NAV3: variants seen among roughly 807,000 people sequenced by gnomAD.
NAV3 encodes the protein pore membrane and/or filament interacting like protein 1.
NAV3 carries 87 observed loss-of-function variants against 244.7 expected under a neutral mutation model. The observed-to-expected ratio is 0.36, with a 90% CI of 0.30 to 0.42. The LOEUF is 0.42. NAV3 is among the 20% of genes least tolerant of loss of function. NAV3 has a pLI of 1.00. For missense variants in NAV3, 2,663 were observed against 2,893.3 expected (o/e 0.92, Z 1.83); for synonymous variants, 1,126 against 1,042.2 (o/e 1.08, Z -1.55).
chr12:78,071,987 G>C (rs1447006417), intron 12 of NAV3, among the ~76,000 whole-genome samples: 10 of 152,028 alleles, frequency 6.6e-5, no homozygotes, highest in Non-Finnish European at 1.5e-4. Flanking sequence ...TTGAAACCAA[G>C]GAGAACAAAG....
intron 22 of NAV3, among the ~76,000 whole-genome samples, chr12:78,152,834 T>C (rs1185322611): frequency 6.6e-6 from 1 of 151,988 alleles, no homozygotes; most frequent in East Asian, 1.9e-4. Context: ...GTTTACTAGT[T>C]TGTTCACAGT....
chr12:77,597,298 C>T (rs566197439), intron 2 of NAV3, among the ~76,000 whole-genome samples: 3 of 152,154 alleles, frequency 2.0e-5, no homozygotes, highest in Admixed American at 2.0e-4. Context: ...ATTGCAGTGG[C>T]CTCTAATCAG....
Position 77,767,626 on chromosome 12 carries a change from C to A in NAV3, c.73-172693C>A, listed in dbSNP as rs181764302. On this transcript the variant is annotated intron_variant, in intron 2 of 8. Coordinates refer to the NAV3 transcript ENST00000550042. ...CAGGTGCCAGCACAGACACCGGCTC[C>A]ATGTAAGCCTGCAGCTAAATCACAT... Among the ~76,000 whole-genome samples, 6 of 152,308 alleles carry A rather than the reference C, an allele frequency of 3.9e-5. No homozygotes were observed. The East Asian group carries it at 1.2e-3, about 29-fold the overall frequency.
intron 22 of NAV3, among the ~76,000 whole-genome samples, chr12:78,152,624 G>C (rs1019029991): frequency 8.6e-5 from 13 of 151,936 alleles, no homozygotes; most frequent in African/African-American, 3.1e-4. Flanking sequence ...AAGAAGTGCT[G>C]TGTTTAAATT....
At chr12:77,964,364 G>A (rs1193265181) in intron 3 of NAV3, among the ~76,000 whole-genome samples, 1 of 151,984 alleles carries the variant, frequency 6.6e-6, no homozygotes, top group African/African-American at 2.4e-5. Flanking sequence ...TCTATAAAAG[G>A]CATATAATTG....
chr12:77,984,695 A>G (rs772242095), intron 5 of NAV3, among the ~76,000 whole-genome samples: 28 of 152,182 alleles, frequency 1.8e-4, no homozygotes, highest in Non-Finnish European at 3.7e-4. Flanking sequence ...TACTACTGGC[A>G]TTTCAACATA....
chr12:78,137,350 G>T lies in NAV3; in HGVS notation c.4615G>T (p.Asp1539Tyr). 6.2e-7 allele frequency: 1 copy of T among 1,611,442 alleles called. No individual in the cohort carries two copies. Residue 1539 changes from aspartate (D) to tyrosine (Y), a missense_variant, in exon 19 of 40, where the codon GAC (aspartate) becomes TAC (tyrosine). Around this residue, in one of 6 missense-constraint regions of NAV3, gnomAD observed 354 missense variants for 413.0 expected, o/e 0.86. Coordinates refer to ENST00000397909, the MANE Select transcript of NAV3 (RefSeq NM_001024383.2). ...RAISHSGSFR[D>Y]SMEEVHGSSL... Reference sequence around the variant, plus strand: ...CATCAGTCATTCGGGCTCATTCAGAGACAGCATGGAAGAAGGTAAGCGTTG... The same window carrying T: ...CATCAGTCATTCGGGCTCATTCAGATACAGCATGGAAGAAGGTAAGCGTTG...
At chr12:77,812,675 C>T (rs920576621) in intron 2 of NAV3, among the ~76,000 whole-genome samples, 11 of 152,090 alleles carry the variant, frequency 7.2e-5, no homozygotes, top group South Asian at 2.1e-4. Flanking sequence ...AGGGCGCTCC[C>T]GCCTGGCCTC....
chr12:77,812,402 T>C (rs1872328844), intron 2 of NAV3, among the ~76,000 whole-genome samples: 1 of 152,070 alleles, frequency 6.6e-6, no homozygotes, highest in East Asian at 1.9e-4. Flanking sequence ...TTTCATTTCT[T>C]TCTTTTTTTT....
chr12:77,725,206 T>G (rs1876822228), intron 2 of NAV3, among the ~76,000 whole-genome samples: 1 of 151,968 alleles, frequency 6.6e-6, no homozygotes, highest in African/African-American at 2.4e-5. Flanking sequence ...CAAATTTCAC[T>G]GCTTATTTTT....
At chr12:78,054,813 G>A (rs1054123473) in intron 11 of NAV3, among the ~76,000 whole-genome samples, 3 of 151,922 alleles carry the variant, frequency 2.0e-5, no homozygotes, top group Admixed American at 6.6e-5. Context: ...GAGAGAGAGC[G>A]AGAGAGAGAG....
At chr12:78,096,077 T>A (rs967728143) in intron 12 of NAV3, among the ~76,000 whole-genome samples, 1 of 152,212 alleles carries the variant, frequency 6.6e-6, no homozygotes, top group Admixed American at 6.5e-5. Context: ...CAGTACTTCA[T>A]ATCCCTGAAG....
intron 12 of NAV3, among the ~76,000 whole-genome samples, chr12:78,097,521 C>A (rs555198790): frequency 6.6e-6 from 1 of 152,222 alleles, no homozygotes; most frequent in African/African-American, 2.4e-5. Context: ...ACTGAAGTGC[C>A]TTTTTAAAGC....
chr12:77,983,108 A>T (rs1869863205), intron 5 of NAV3, among the ~76,000 whole-genome samples: 2 of 152,236 alleles, frequency 1.3e-5, no homozygotes, highest in African/African-American at 4.8e-5. Flanking sequence ...GGAAGTTGTG[A>T]ACTCTATGCC....
chr12:78,061,275 G>A (rs1469913101), intron 12 of NAV3, among the ~76,000 whole-genome samples: 2 of 152,110 alleles, frequency 1.3e-5, no homozygotes, highest in Non-Finnish European at 2.9e-5. Flanking sequence ...GTAACGCCTA[G>A]CATAAATATT....
chr12:78,117,983 A>G, intron 13 of NAV3, 44 bp from the exon 14 acceptor site: 1 of 1,497,000 alleles, frequency 6.7e-7, no homozygotes, highest in Non-Finnish European at 9.0e-7. Flanking sequence ...CATACTTTAT[A>G]AATTTTTCTA....
intron 2 of NAV3, among the ~76,000 whole-genome samples, chr12:77,752,299 A>G (rs771976038): frequency 2.0e-5 from 3 of 152,142 alleles, no homozygotes; most frequent in Non-Finnish European, 4.4e-5. Flanking sequence ...CTGGGAAGGA[A>G]ACTATTTGTT....
chr12:78,190,954 A>T (rs1439176333), intron 34 of NAV3, among the ~76,000 whole-genome samples: 1 of 152,168 alleles, frequency 6.6e-6, no homozygotes, highest in Non-Finnish European at 1.5e-5. Context: ...GTAATTATTT[A>T]TTAAAGTCTG....
chr12:77,986,132 C>A (rs1011775634), intron 5 of NAV3, among the ~76,000 whole-genome samples: 1 of 152,106 alleles, frequency 6.6e-6, no homozygotes, highest in Non-Finnish European at 1.5e-5. Context: ...GAGGCCAAGG[C>A]GGGTGGATCA....
Sources: gnomAD v4.1 joint callset for allele counts (sites outside exome capture counted in the v4.1 genomes callset) on GRCh38, gnomAD v4.1.1 for gene constraint, gnomAD v4.1.1 regional missense constraint, MANE v1.5 for transcripts, NCBI Gene and HGNC (gene_info 2026-07-23, HGNC 2026-07-21) for gene names.